The following CIBAR1 variants were observed in gnomAD, a reference collection of about 807,000 sequenced individuals.
CIBAR1 encodes the protein CBY1-interacting BAR domain-containing protein 1.
Under a neutral mutation model 44.0 loss-of-function variants are expected in CIBAR1, and 25 were observed. The ratio of observed to expected loss-of-function variants is 0.57; its 90% CI spans 0.41 to 0.79. CIBAR1 has a LOEUF of 0.79. CIBAR1 is among the 30% of genes least tolerant of loss of function. The pLI, the probability that CIBAR1 is intolerant of heterozygous loss-of-function variation, is 0.00. For missense variants in CIBAR1, 278 were observed against 344.8 expected, an observed-to-expected ratio of 0.81 and a Z score of 1.53; for synonymous variants, 115 against 119.0, an observed-to-expected ratio of 0.97 and a Z score of 0.22.
chr8:93,723,321 C>T (rs1215804293), intron 7 of CIBAR1, among the ~76,000 whole-genome samples: 2 of 152,054 alleles, frequency 1.3e-5, no homozygotes, highest in Non-Finnish European at 2.9e-5. Context: ...TTATGTCATA[C>T]CAGGATGTCA....
chr8:93,713,011 C>T (rs1810886178), intron 6 of CIBAR1, among the ~76,000 whole-genome samples: 1 of 129,730 alleles, frequency 7.7e-6, no homozygotes, highest in African/African-American at 3.0e-5. Flanking sequence ...AGATCCTTTA[C>T]CCTTTTTTTC....
chr8:93,718,893 T>A, intron 7 of CIBAR1, 105 bp downstream of exon 7: 3 of 645,912 alleles, frequency 4.6e-6, no homozygotes, highest in Non-Finnish European at 7.3e-6. Context: ...AGACAGAGTC[T>A]CACTCTGTTG....
intron 6 of CIBAR1, among the ~76,000 whole-genome samples, chr8:93,711,774 C>T (rs542240918): frequency 2.6e-5 from 4 of 152,152 alleles, no homozygotes; most frequent in African/African-American, 9.7e-5. Flanking sequence ...TTCATTTACA[C>T]ATGGAAATTT....
intron 6 of CIBAR1, among the ~76,000 whole-genome samples, chr8:93,711,127 G>T (rs1316660155): frequency 6.6e-6 from 1 of 152,134 alleles, no homozygotes; most frequent in Non-Finnish European, 1.5e-5. Context: ...CTTTCTTGGG[G>T]ATCATGAAAT....
intron 6 of CIBAR1, among the ~76,000 whole-genome samples, chr8:93,712,061 G>GA (rs1437944469): frequency 6.6e-6 from 1 of 152,124 alleles, no homozygotes; most frequent in Non-Finnish European, 1.5e-5. Flanking sequence ...GGTCACAGAA[G>GA]AAAAATTTTT....
Position 93,729,539 on chromosome 8 carries a change from T to C in CIBAR1, c.*1242T>C, listed in dbSNP as rs1246576455. The C allele has an allele frequency of 6.6e-6, 1 of 152,174 alleles. No individual in the cohort carries two copies. The highest frequency in any genetic ancestry group is 1.5e-5 in the Non-Finnish European group (1 of 67,994). The allele number at this position is 152,174 out of a possible 1,614,324, so 9.4% of individuals were successfully genotyped here. On this transcript the variant is annotated 3_prime_UTR_variant, in exon 9 of 9. Transcript: ENST00000518322. ...CCTTGTTTGTAAAGTTAAAACTGCG[T>C]AAAACAGTAATTCTGGAATAAAACA...
At chr8:93,727,623 G>C (rs1006026271) in intron 8 of CIBAR1, among the ~76,000 whole-genome samples, 42 of 152,140 alleles carry the variant, frequency 2.8e-4, no homozygotes, top group South Asian at 1.2e-3. Flanking sequence ...CATGCCAGTA[G>C]CACACATAAA....
intron 7 of CIBAR1, chr8:93,725,739 T>C (rs1389831077): frequency 6.6e-6 from 1 of 152,148 alleles, no homozygotes; most frequent in Non-Finnish European, 1.5e-5. Context: ...CAGAATGGTA[T>C]TTTTAAAGAG....
At chr8:93,711,530 A>G (rs993276328) in intron 6 of CIBAR1, among the ~76,000 whole-genome samples, 1 of 152,224 alleles carries the variant, frequency 6.6e-6, no homozygotes, top group Non-Finnish European at 1.5e-5. Context: ...TCCCGAGACA[A>G]ATTCCTTTAC....
At chr8:93,706,174 GTCCTTCT>G (rs1414304834) in intron 4 of CIBAR1, 2 of 152,138 alleles carry the variant, frequency 1.3e-5, no homozygotes, top group Non-Finnish European at 2.9e-5. Flanking sequence ...CAGTTGCTTG[GTCCTTCT>G]TCCTTTGGAC....
chr8:93,702,566 G>GA (rs1164357248), intron 2 of CIBAR1: 2 of 455,030 alleles, frequency 4.4e-6, no homozygotes, highest in Non-Finnish European at 8.8e-6. Context: ...AAGGAGAACA[G>GA]AAAAAAGACT....
intron 5 of CIBAR1, among the ~76,000 whole-genome samples, chr8:93,708,304 GA>G (rs555895291): frequency 3.6e-4 from 55 of 152,156 alleles, no homozygotes; most frequent in African/African-American, 1.3e-3. Context: ...TACCTTTTAA[GA>G]AAAACTCTTA....
intron 6 of CIBAR1, among the ~76,000 whole-genome samples, chr8:93,712,032 T>C (rs892523286): frequency 1.3e-5 from 2 of 152,182 alleles, no homozygotes; most frequent in Non-Finnish European, 2.9e-5. Context: ...GAAAGTCTCT[T>C]GATTTTAGGA....
At chr8:93,722,035 T>C (rs1223793315) in intron 7 of CIBAR1, among the ~76,000 whole-genome samples, 4 of 151,966 alleles carry the variant, frequency 2.6e-5, no homozygotes, top group Non-Finnish European at 5.9e-5. Flanking sequence ...TGGCATGTCA[T>C]GGAAAAAAAC....
chr8:93,712,911 G>A (rs530672399), intron 6 of CIBAR1, among the ~76,000 whole-genome samples: 4 of 150,204 alleles, frequency 2.7e-5, no homozygotes, highest in African/African-American at 9.8e-5. Flanking sequence ...GCCTCCCAAA[G>A]TGCTGGCATT....
At position 93,728,229 on chromosome 8, in the gene CIBAR1, G is replaced by A; in HGVS notation, c.802G>A (p.Asp268Asn). The change falls in exon 9 of 9, where the codon GAT becomes AAT. Residue 268 changes from aspartate (D) to asparagine (N), a missense_variant. By Grantham distance (23) the Asp-to-Asn change is conservative (BLOSUM62 1). This residue lies in a region of CIBAR1 where 93 missense variants were observed against 108.9 expected (regional missense o/e 0.85). Coordinates refer to ENST00000518322, the MANE Select transcript of CIBAR1 (RefSeq NM_145269.5). ...GQVSTCRLRK[D>N]QQAEDDEDDE... ...GGTATCCACTTGTCGACTAAGAAAG[G>A]ATCAACAAGCAGAAGATGATGAGGA... The A allele has an allele frequency of 6.3e-7, 1 of 1,594,822 alleles. No individual in the cohort carries two copies. The highest frequency in any genetic ancestry group is 1.4e-5 in the African/African-American group (1 of 73,744).
rs1811627534 is a variant in CIBAR1 at position 93,728,250 on chromosome 8, G to A, written c.823G>A (p.Glu275Lys). ...AAAGGATCAACAAGCAGAAGATGAT[G>A]AGGATGACGAGTTAGATGTTACAGA... The part of the protein sequence containing the change: ...LRKDQQAEDD[E>K]DDELDVTEEE... Residue 275 changes from glutamate to lysine, a missense_variant, in exon 9 of 9, where the codon GAG becomes AAG. Around this residue, in one of 3 missense-constraint regions of CIBAR1, gnomAD observed 93 missense variants for 108.9 expected, o/e 0.85. Transcript: ENST00000518322. 6.3e-7 allele frequency: 1 copy of A among 1,598,924 alleles called. No individual in the cohort carries two copies. Among genetic ancestry groups the A allele is most frequent in the African/African-American group, 1.4e-5 (1 of 73,696 alleles).
intron 6 of CIBAR1, among the ~76,000 whole-genome samples, chr8:93,713,854 A>G (rs1352999010): frequency 1.3e-5 from 2 of 152,266 alleles, no homozygotes; most frequent in Admixed American, 1.3e-4. Context: ...TGTCAATACC[A>G]CACTGTCCTA....
At chr8:93,723,203 A>G (rs1217734407) in intron 7 of CIBAR1, among the ~76,000 whole-genome samples, 3 of 152,066 alleles carry the variant, frequency 2.0e-5, no homozygotes, top group East Asian at 1.9e-4. Context: ...TCACCATGTT[A>G]GCCAGGATGG....
Sources: gnomAD v4.1 joint callset for allele counts (sites outside exome capture counted in the v4.1 genomes callset) on GRCh38, gnomAD v4.1.1 for gene constraint, gnomAD v4.1.1 regional missense constraint, MANE v1.5 for transcripts, NCBI Gene and HGNC (gene_info 2026-07-23, HGNC 2026-07-21) for gene names.